RPS6KB1: variants seen among roughly 807,000 people sequenced by gnomAD.
RPS6KB1 encodes the protein ribosomal protein S6 kinase beta-1.
In RPS6KB1, 12 loss-of-function variants were observed where a neutral mutation model predicts 70.2. That is an observed-to-expected ratio of 0.17 (90% CI 0.11 to 0.28). The LOEUF is 0.28. RPS6KB1 is among the 10% of genes least tolerant of loss of function. The probability of loss-of-function intolerance (pLI) is 1.00; values close to 1 mark genes in which losing one functional copy is unlikely to be tolerated. For synonymous variants in RPS6KB1, 175 were observed against 211.2 expected, an observed-to-expected ratio of 0.83 and a Z score of 1.49; for missense variants, 270 against 646.6, an observed-to-expected ratio of 0.42 and a Z score of 6.32.
At chr17:59,911,911 G>A (rs144369472) in intron 2 of RPS6KB1, among the ~76,000 whole-genome samples, 2 of 152,050 alleles carry the variant, frequency 1.3e-5, no homozygotes, top group Non-Finnish European at 2.9e-5. Flanking sequence ...TTTAAATCAA[G>A]CTAATAACTT....
rs181114001 is a variant in RPS6KB1, at chr17:59,936,015, T to C, written c.979-200T>C. On this transcript the variant is annotated intron_variant, in intron 10 of 14. Transcript: ENST00000225577. ...TTAGTAGAGAAGGGGTTTCACCATG[T>C]TGGCCAACCTCGAACTCCCAACCTC... 7.9e-5 allele frequency among the ~76,000 whole-genome samples: 12 copies of C among 151,450 alleles called. No individual in the cohort carries two copies. The East Asian group carries it at 2.4e-3, about 30-fold the overall frequency.
chr17:59,947,922 C>T lies in RPS6KB1; in HGVS notation c.*1134C>T, dbSNP rs1426005259. 6.7e-6 allele frequency: 2 copies of T among 298,596 alleles called. No individual in the cohort carries two copies. Among genetic ancestry groups the T allele is most frequent in the East Asian group, 5.5e-5 (1 of 18,192 alleles). The allele number at this position is 298,596 out of a possible 1,614,324, so 18.5% of individuals were successfully genotyped here. ...TACTTCTTTCTACTGTTTCTGCTGT[C>T]TACCTTCCTTATATTTTTTTCCTCA... is the stretch of plus-strand genomic sequence containing the variant. On this transcript the variant is annotated 3_prime_UTR_variant, in exon 15 of 15. Transcript: ENST00000225577.
In RPS6KB1 at chr17:59,947,116, T is replaced by C. The variant is rs2044973312; in HGVS notation, c.*328T>C. ...TAGGATGTTGCTTCTGAATCACTGT[T>C]GAGTTCTGATTGTGTTGAAGAAGGG... is the stretch of plus-strand genomic sequence containing the variant. On this transcript the variant is annotated 3_prime_UTR_variant, in exon 15 of 15. Transcript: ENST00000225577. 8.7e-7 allele frequency: 1 copy of C among 1,145,410 alleles called. No homozygotes were observed. The highest frequency in any genetic ancestry group is 5.0e-5 in the East Asian group (1 of 19,856). 71.0% of individuals were successfully genotyped at this position (1,145,410 alleles called of 1,614,324 possible).
At chr17:59,935,577 C>A (rs542392268) in intron 10 of RPS6KB1, among the ~76,000 whole-genome samples, 3 of 151,182 alleles carry the variant, frequency 2.0e-5, no homozygotes, top group Non-Finnish European at 2.9e-5. Context: ...CAGGTTCAAG[C>A]GATTCTTCCG....
At chr17:59,926,367 GAA>G (rs2043609406) in intron 4 of RPS6KB1, 66 bp from the exon 5 acceptor site, 1 of 1,176,242 alleles carries the variant, frequency 8.5e-7, no homozygotes, top group African/African-American at 1.6e-5. Flanking sequence ...ATAGATTTTA[GAA>G]TAAAATAGAT....
At chr17:59,906,686 CTTTA>C (rs886920709) in intron 1 of RPS6KB1, among the ~76,000 whole-genome samples, 1 of 151,650 alleles carries the variant, frequency 6.6e-6, no homozygotes, top group African/African-American at 2.4e-5. Context: ...TTCTTTCTTT[CTTTA>C]CTTTTTTTTG....
chr17:59,908,889 AT>A (rs2042434368), intron 1 of RPS6KB1, among the ~76,000 whole-genome samples: 1 of 131,458 alleles, frequency 7.6e-6, no homozygotes, highest in Non-Finnish European at 1.6e-5. Context: ...GAGTGCTGGG[AT>A]TACAAGCGTG....
chr17:59,922,040 A>ATT lies in RPS6KB1; in HGVS notation c.382-4378_382-4377dup, dbSNP rs36071603. Among the ~76,000 whole-genome samples, 195 of 130,120 alleles carry ATT rather than the reference A, an allele frequency of 1.5e-3. 2 individuals are homozygous for ATT. The highest frequency in any genetic ancestry group is 4.0e-3 in the Middle Eastern group (1 of 252). The allele number at this position is 130,120 out of a possible 152,430, so 85.4% of individuals were successfully genotyped here. ...CTATACATCTCCTAAGAATAAGGGC[A>ATT]TTTTTTTTTTTTTTTTTTGAGAAGC... On this transcript the variant is annotated intron_variant, in intron 4 of 14. Transcript: ENST00000225577.
chr17:59,906,175 G>A (rs925613279), intron 1 of RPS6KB1, among the ~76,000 whole-genome samples: 7 of 152,158 alleles, frequency 4.6e-5, no homozygotes, highest in African/African-American at 1.7e-4. Context: ...CAATATAAAT[G>A]TAAGAGTTTA....
Position 59,947,196 on chromosome 17 carries a change from C to A in RPS6KB1, c.*408C>A. The A allele has an allele frequency of 9.7e-7, 1 of 1,033,986 alleles. No individual in the cohort carries two copies. The highest frequency in any genetic ancestry group is 1.2e-6 in the Non-Finnish European group (1 of 861,228). The allele number at this position is 1,033,986 out of a possible 1,614,324, so 64.1% of individuals were successfully genotyped here. On this transcript the variant is annotated 3_prime_UTR_variant, in exon 15 of 15. Transcript: ENST00000225577. ...TGCCTATAATACTTGCAACTAAGGA[C>A]AAATTAGCATGCAAGCTTGGTCAAA...
intron 2 of RPS6KB1, chr17:59,912,453 A>C (rs890205227): frequency 2.5e-6 from 1 of 401,178 alleles, no homozygotes; most frequent in Non-Finnish European, 4.6e-6. Context: ...CAATTATAAA[A>C]ATAAGTAAAT....
intron 1 of RPS6KB1, among the ~76,000 whole-genome samples, chr17:59,899,616 C>T (rs970783742): frequency 1.3e-5 from 2 of 152,124 alleles, no homozygotes; most frequent in African/African-American, 4.8e-5. Flanking sequence ...TAGGCGATTA[C>T]GTAGAGCAAC....
intron 1 of RPS6KB1, among the ~76,000 whole-genome samples, chr17:59,908,768 G>A (rs1180240985): frequency 7.0e-6 from 1 of 142,606 alleles, no homozygotes; most frequent in Non-Finnish European, 1.5e-5. Flanking sequence ...ACAGGTGCCC[G>A]CTACCACGCC....
At chr17:59,908,758 A>G (rs1158939614) in intron 1 of RPS6KB1, among the ~76,000 whole-genome samples, 1 of 131,910 alleles carries the variant, frequency 7.6e-6, no homozygotes, top group African/African-American at 3.0e-5. Context: ...AGCTGGGACT[A>G]CAGGTGCCCG....
At position 59,943,911 on chromosome 17, in the gene RPS6KB1, T is replaced by C. The variant is rs538095858; in HGVS notation, c.1228-1495T>C. Among the ~76,000 whole-genome samples, 386 of 126,500 alleles carry C rather than the reference T, an allele frequency of 3.1e-3. 2 individuals are homozygous for C. The highest frequency in any genetic ancestry group is 1.0e-2 in the African/African-American group (359 of 36,074). 83.0% of individuals were successfully genotyped at this position (126,500 alleles called of 152,430 possible). A position where few individuals can be genotyped will look rare whatever the true frequency, so the allele number is the denominator to read the frequency against. ...AAAATTATATATATATATATACACATATATATATATACACACATACATACA... is the reference window on the plus strand; with the variant it reads ...AAAATTATATATATATATATACACACATATATATATACACACATACATACA... On this transcript the variant is annotated intron_variant, in intron 13 of 14. Coordinates refer to ENST00000225577, the MANE Select transcript of RPS6KB1 (RefSeq NM_003161.4).
chr17:59,931,700 G>A lies in RPS6KB1; in HGVS notation c.666G>A (p.Glu222=). Reference sequence around the variant, plus strand: ...TCATCTACAGAGACCTGAAGCCGGAGAATATCATGCTTAATCACCAAGGTG... The same window carrying A: ...TCATCTACAGAGACCTGAAGCCGGAAAATATCATGCTTAATCACCAAGGTG... ...KGIIYRDLKP[E]NIMLNHQGHV... Residue 222 remains glutamate (E), a synonymous_variant, in exon 7 of 15, where the codon GAG becomes GAA. Transcript: ENST00000225577. The A allele has an allele frequency of 2.5e-6, 4 of 1,610,050 alleles. No homozygotes were observed. The highest frequency in any genetic ancestry group is 3.4e-6 in the Non-Finnish European group (4 of 1,176,316).
chr17:59,937,408 G>A (rs996165009), intron 12 of RPS6KB1, among the ~76,000 whole-genome samples: 13 of 152,270 alleles, frequency 8.5e-5, no homozygotes, highest in African/African-American at 2.6e-4. Context: ...ACCACAAACC[G>A]GGTGGCTTAG....
intron 12 of RPS6KB1, among the ~76,000 whole-genome samples, chr17:59,939,509 A>G (rs1467398746): frequency 6.7e-6 from 1 of 149,380 alleles, no homozygotes; most frequent in African/African-American, 2.4e-5. Flanking sequence ...TCAACTCCTG[A>G]GCTCAAAAGC....
chr17:59,894,707 C>T (rs774782361), intron 1 of RPS6KB1, among the ~76,000 whole-genome samples: 5 of 152,072 alleles, frequency 3.3e-5, no homozygotes, highest in Admixed American at 2.6e-4. Context: ...TGGGTTTAAG[C>T]GATTGTCATG....
Sources: gnomAD v4.1 joint callset for allele counts (sites outside exome capture counted in the v4.1 genomes callset) on GRCh38, gnomAD v4.1.1 for gene constraint, MANE v1.5 for transcripts, NCBI Gene and HGNC (gene_info 2026-07-23, HGNC 2026-07-21) for gene names.